Variants in ADGRL3 observed in about 807,000 individuals in gnomAD.
ADGRL3 encodes the protein adhesion G protein-coupled receptor L3.
Under a neutral mutation model 153.5 loss-of-function variants are expected in ADGRL3, and 62 were observed. The observed-to-expected ratio is 0.40, with a 90% CI of 0.33 to 0.50. ADGRL3 has a LOEUF of 0.50. Ranked by LOEUF, ADGRL3 falls within the 20% of genes least tolerant of loss-of-function variation. The pLI, the probability that ADGRL3 is intolerant of heterozygous loss-of-function variation, is 0.47. For missense variants in ADGRL3, 1,641 were observed against 1,859.4 expected, an observed-to-expected ratio of 0.88 and a Z score of 2.16; for synonymous variants, 710 against 672.5, an observed-to-expected ratio of 1.06 and a Z score of -0.86.
Position 61,769,668 on chromosome 4 carries a change from G to C in ADGRL3, c.1399+36114G>C, listed in dbSNP as rs565439333. Among the ~76,000 whole-genome samples, 33 of 152,120 alleles carry C rather than the reference G, an allele frequency of 2.2e-4. No homozygotes were observed. The South Asian group carries it at 4.2e-3, about 19-fold the overall frequency. On this transcript the variant is annotated intron_variant, in intron 8 of 26. Transcript: ENST00000683033. ...GTCAGTGAAGGGAGATAAGGGTGAG[G>C]CCGTTTTATAGGATTTGGGTAGGTA... is the stretch of plus-strand genomic sequence containing the variant.
At chr4:61,935,898 A>T (rs1382316949) in intron 14 of ADGRL3, 25 bp from the exon 15 acceptor site, 2 of 1,574,460 alleles carry the variant, frequency 1.3e-6, no homozygotes, top group African/African-American at 2.7e-5. Context: ...CTCAATGAGC[A>T]CTGATATCTC....
chr4:61,338,824 G>C (rs928432828), intron 1 of ADGRL3, among the ~76,000 whole-genome samples: 1 of 152,092 alleles, frequency 6.6e-6, no homozygotes, highest in Non-Finnish European at 1.5e-5. Context: ...TGAACATTTT[G>C]TGTAAATATG....
At chr4:61,511,783 A>T (rs535246520) in intron 3 of ADGRL3, among the ~76,000 whole-genome samples, 11 of 152,162 alleles carry the variant, frequency 7.2e-5, no homozygotes, top group Non-Finnish European at 1.5e-4. Flanking sequence ...CTGTTTTCTT[A>T]TAAGACCCAG....
At chr4:61,734,027 A>C (rs1164741181) in intron 8 of ADGRL3, among the ~76,000 whole-genome samples, 1 of 152,162 alleles carries the variant, frequency 6.6e-6, no homozygotes, top group African/African-American at 2.4e-5. Flanking sequence ...CCATTTTGGG[A>C]AGGTTGTCAG....
intron 15 of ADGRL3, among the ~76,000 whole-genome samples, chr4:61,941,137 G>T (rs2098890386): frequency 1.5e-5 from 1 of 67,672 alleles, no homozygotes. Flanking sequence ...TCCAGTTTCA[G>T]CTTTCTACAT....
intron 8 of ADGRL3, among the ~76,000 whole-genome samples, chr4:61,744,900 G>A (rs192275264): frequency 2.6e-3 from 403 of 152,294 alleles, no homozygotes; most frequent in Admixed American, 7.8e-3. Flanking sequence ...GAAGCCTTCA[G>A]ACGATCAAAC....
intron 8 of ADGRL3, among the ~76,000 whole-genome samples, chr4:61,769,797 G>A (rs922792579): frequency 2.7e-5 from 4 of 149,972 alleles, no homozygotes; most frequent in Non-Finnish European, 4.4e-5. Flanking sequence ...CTCAGTGGGG[G>A]TGCTTTTGGA....
intron 6 of ADGRL3, among the ~76,000 whole-genome samples, chr4:61,705,558 C>A (rs2095843510): frequency 6.6e-6 from 1 of 151,450 alleles, no homozygotes. Flanking sequence ...AGTGCAGTGG[C>A]ACAATCTCAG....
At chr4:61,971,094 T>G (rs1439303904) in intron 17 of ADGRL3, among the ~76,000 whole-genome samples, 1 of 152,102 alleles carries the variant, frequency 6.6e-6, no homozygotes, top group Non-Finnish European at 1.5e-5. Context: ...TACAAATATT[T>G]CAGAATACAA....
rs540135993 is a variant in ADGRL3, at chr4:61,871,061, G to A, written c.1481-21595G>A. On this transcript the variant is annotated intron_variant, in intron 9 of 26. Transcript: ENST00000683033. ...TGGGAGGCCAAGGCGGGCGAATCAC[G>A]AGGTCAGGAGATCGAGACCATCCTG... Among the ~76,000 whole-genome samples, 20 of 152,178 alleles carry A rather than the reference G, an allele frequency of 1.3e-4. No individual in the cohort carries two copies. The East Asian group carries it at 1.4e-3, about 10-fold the overall frequency.
At position 61,465,777 on chromosome 4, in the gene ADGRL3, A is replaced by ATATATATATATC. The variant is rs1480766959; in HGVS notation, c.-173-31343_-173-31342insATATATATATCT. ...TATATAAATATATATATATATATAT[A>ATATATATATATC]TCTTATATGGAATATATATTTTCGT... On this transcript the variant is annotated intron_variant, in intron 2 of 26. Coordinates refer to ENST00000683033, the MANE Select transcript of ADGRL3 (RefSeq NM_001387552.1). Among the ~76,000 whole-genome samples, 13 of 145,428 alleles carry ATATATATATATC rather than the reference A, an allele frequency of 8.9e-5. No individual in the cohort carries two copies. In the East Asian group the frequency reaches 2.4e-3, roughly 27 times the overall value.
chr4:61,621,122 A>G (rs2092480880), intron 5 of ADGRL3, among the ~76,000 whole-genome samples: 1 of 152,176 alleles, frequency 6.6e-6, no homozygotes, highest in Non-Finnish European at 1.5e-5. Context: ...ACATGTTGAT[A>G]ATAAACAATC....
intron 1 of ADGRL3, among the ~76,000 whole-genome samples, chr4:61,327,785 G>T (rs2095494449): frequency 1.3e-5 from 2 of 151,994 alleles, no homozygotes; most frequent in Admixed American, 1.3e-4. Context: ...AAGATGAGGT[G>T]ATCAAATATT....
At chr4:61,976,769 A>T (rs2099049632) in intron 17 of ADGRL3, among the ~76,000 whole-genome samples, 1 of 152,086 alleles carries the variant, frequency 6.6e-6, no homozygotes, top group Non-Finnish European at 1.5e-5. Flanking sequence ...CATGATTGTG[A>T]AGCCTGCAAG....
chr4:61,447,990 A>G (rs530687069), intron 2 of ADGRL3, among the ~76,000 whole-genome samples: 3 of 152,222 alleles, frequency 2.0e-5, no homozygotes, highest in South Asian at 2.1e-4. Flanking sequence ...AGTGCTGCCT[A>G]TAGAAAGAGA....
At chr4:61,202,000 T>G (rs1037925862) in intron 1 of ADGRL3, 1 of 152,618 alleles carries the variant, frequency 6.6e-6, no homozygotes, top group Non-Finnish European at 1.5e-5. Flanking sequence ...TTCCAGCCAT[T>G]GGGCGATTTG....
chr4:61,891,023 T>A lies in ADGRL3; in HGVS notation c.1481-1633T>A, dbSNP rs1462976565. ...TTCAATTGCACTTAATATTTTGAAA[T>A]ATGTTATTGAATTTTATGTTGGGAT... On this transcript the variant is annotated intron_variant, in intron 9 of 26. Transcript: ENST00000683033. Among the ~76,000 whole-genome samples, 5 of 152,204 alleles carry A rather than the reference T, an allele frequency of 3.3e-5. No homozygotes were observed. The East Asian group carries it at 9.6e-4, about 29-fold the overall frequency.
intron 9 of ADGRL3, among the ~76,000 whole-genome samples, chr4:61,832,105 A>G (rs1304653321): frequency 1.3e-5 from 2 of 152,112 alleles, no homozygotes; most frequent in Non-Finnish European, 2.9e-5. Context: ...ACAAAAGGAG[A>G]AAAGGGCATA....
At chr4:61,352,334 A>G (rs1467684581) in intron 1 of ADGRL3, among the ~76,000 whole-genome samples, 2 of 152,150 alleles carry the variant, frequency 1.3e-5, no homozygotes, top group Non-Finnish European at 2.9e-5. Context: ...AAATTAAGAT[A>G]TGTACTTTTT....
Sources: gnomAD v4.1 joint callset for allele counts (sites outside exome capture counted in the v4.1 genomes callset) on GRCh38, gnomAD v4.1.1 for gene constraint, MANE v1.5 for transcripts, NCBI Gene and HGNC (gene_info 2026-07-23, HGNC 2026-07-21) for gene names.